ZNF536: variants seen among roughly 807,000 people sequenced by gnomAD.
ZNF536 encodes zinc finger protein 536.
Under a neutral mutation model 84.5 loss-of-function variants are expected in ZNF536, and 13 were observed. The observed-to-expected ratio is 0.15, with a 90% CI of 0.10 to 0.24. The LOEUF (loss-of-function observed/expected upper bound fraction) is 0.24, where lower values mean the gene tolerates loss of function less well. ZNF536 is among the 10% of genes least tolerant of loss of function. The pLI is 1.00. For synonymous variants in ZNF536, 811 were observed against 742.5 expected, an observed-to-expected ratio of 1.09 and a Z score of -1.50; for missense variants, 1,536 against 1,747.5, an observed-to-expected ratio of 0.88 and a Z score of 2.16.
rs1276444095 is a variant in ZNF536, at chr19:30,534,929, G to A, written c.2253G>A (p.Lys751=). ...LRDRSLGSAM[K]DCPYCGKTFR... The stretch of plus-strand genomic sequence containing the variant: ...ACAGAAGCCTGGGCTCGGCCATGAA[G>A]GACTGCCCGTACTGTGGGAAAACTT... The change falls in exon 3 of 5, where the codon AAG becomes AAA. Residue 751 remains lysine, a synonymous_variant. Coordinates refer to ENST00000355537, the MANE Select transcript of ZNF536 (RefSeq NM_014717.3). 6.2e-7 allele frequency: 1 copy of A among 1,613,972 alleles called. No individual in the cohort carries two copies.
intron 1 of ZNF536, among the ~76,000 whole-genome samples, chr19:30,229,670 T>C (rs931276972): frequency 6.6e-6 from 1 of 152,242 alleles, no homozygotes; most frequent in Non-Finnish European, 1.5e-5. Context: ...GGCTGAAGGC[T>C]GCTTTAGTTA....
intron 1 of ZNF536, among the ~76,000 whole-genome samples, chr19:30,707,514 C>T (rs559109375): frequency 1.3e-5 from 2 of 152,218 alleles, no homozygotes; most frequent in African/African-American, 2.4e-5. Flanking sequence ...ACTGGCCCCT[C>T]GTGCTAGCTG....
intron 1 of ZNF536, among the ~76,000 whole-genome samples, chr19:30,621,817 G>A (rs987875245): frequency 9.9e-5 from 15 of 152,224 alleles, no homozygotes; most frequent in Admixed American, 5.9e-4. Flanking sequence ...ACCTCACAGC[G>A]TCATCTGAAA....
At chr19:30,369,723 C>G (rs1489516209), upstream of ZNF536, among the ~76,000 whole-genome samples, 1 of 152,034 alleles carries the variant, frequency 6.6e-6, no homozygotes, top group East Asian at 1.9e-4. Context: ...TGGGTCTGTT[C>G]TGTAATTCTT....
chr19:30,411,825 A>G (rs1013503731), intron 1 of ZNF536, among the ~76,000 whole-genome samples: 3 of 152,104 alleles, frequency 2.0e-5, no homozygotes, highest in African/African-American at 7.2e-5. Context: ...AGTTTGATAG[A>G]TGATCTTATT....
chr19:30,409,681 C>A (rs1008513308), intron 1 of ZNF536, among the ~76,000 whole-genome samples: 1 of 152,206 alleles, frequency 6.6e-6, no homozygotes, highest in Non-Finnish European at 1.5e-5. Flanking sequence ...CAAATTACGT[C>A]CCCCGACCAC....
intron 2 of ZNF536, among the ~76,000 whole-genome samples, chr19:30,292,530 AGG>A (rs950984166): frequency 5.9e-5 from 9 of 152,040 alleles, no homozygotes; most frequent in African/African-American, 2.2e-4. Flanking sequence ...CACGTTTCCC[AGG>A]CTGATCTTGA....
intron 1 of ZNF536, among the ~76,000 whole-genome samples, chr19:30,592,565 A>G (rs908368970): frequency 1.3e-5 from 2 of 152,176 alleles, no homozygotes; most frequent in African/African-American, 4.8e-5. Flanking sequence ...GGCTCAGCTC[A>G]CTAATTGACT....
chr19:30,372,694 C>T (rs1292977015), intron 1 of ZNF536, 138 bp downstream of exon 1: 3 of 152,084 alleles, frequency 2.0e-5, no homozygotes, highest in African/African-American at 4.8e-5. Flanking sequence ...TTCTTGTTCA[C>T]GAAGTACACA....
At chr19:30,384,088 C>G (rs1335595783) in intron 1 of ZNF536, among the ~76,000 whole-genome samples, 2 of 136,830 alleles carry the variant, frequency 1.5e-5, no homozygotes, top group African/African-American at 5.4e-5. Flanking sequence ...CTTCTTCTGC[C>G]CACCTCTTTC....
intron 2 of ZNF536, among the ~76,000 whole-genome samples, chr19:30,523,954 C>T (rs907851212): frequency 1.3e-5 from 2 of 152,216 alleles, no homozygotes; most frequent in African/African-American, 2.4e-5. Flanking sequence ...GGCTTTGGGG[C>T]AAAATCCGAT....
At chr19:30,295,997 G>A (rs2045984894) in intron 2 of ZNF536, among the ~76,000 whole-genome samples, 1 of 152,168 alleles carries the variant, frequency 6.6e-6, no homozygotes, top group Admixed American at 6.5e-5. Context: ...ACCAGTGTCG[G>A]GCAGGGCAGG....
chr19:30,698,513 G>A (rs1047848855), intron 1 of ZNF536, among the ~76,000 whole-genome samples: 2 of 152,146 alleles, frequency 1.3e-5, no homozygotes, highest in African/African-American at 2.4e-5. Context: ...TACCTTAGGT[G>A]TCCTGTCTCC....
chr19:30,606,094 C>T (rs143474096), intron 1 of ZNF536, among the ~76,000 whole-genome samples: 2,519 of 150,790 alleles, frequency 0.017, 93 homozygotes, highest in Admixed American at 0.089. Flanking sequence ...TTCAAGGCTG[C>T]ACTGAGCCAT....
At chr19:30,556,968 G>A (rs1242038906) in intron 4 of ZNF536, 189 bp from the exon 5 acceptor site, 4 of 595,596 alleles carry the variant, frequency 6.7e-6, no homozygotes, top group Non-Finnish European at 1.2e-5. Context: ...ACGTCTAATT[G>A]CCAACCTGCC....
At chr19:30,405,400 T>C (rs766073301) in intron 1 of ZNF536, among the ~76,000 whole-genome samples, 1 of 152,082 alleles carries the variant, frequency 6.6e-6, no homozygotes, top group Admixed American at 6.5e-5. Context: ...AAAACCTATG[T>C]ATATATAATA....
At chr19:30,555,015 G>A (rs2045916501) in intron 4 of ZNF536, 1 of 152,258 alleles carries the variant, frequency 6.6e-6, no homozygotes, top group African/African-American at 2.4e-5. Flanking sequence ...TGTTGACCCA[G>A]ATGGGCCGAT....
chr19:30,515,391 T>G (rs900800902), intron 2 of ZNF536, among the ~76,000 whole-genome samples: 1 of 152,240 alleles, frequency 6.6e-6, no homozygotes, highest in African/African-American at 2.4e-5. Context: ...TAGTTATCGT[T>G]TATGATAAGA....
intron 1 of ZNF536, among the ~76,000 whole-genome samples, chr19:30,385,485 T>C (rs1422828399): frequency 6.6e-6 from 1 of 151,796 alleles, no homozygotes; most frequent in African/African-American, 2.4e-5. Context: ...AGTTCCTGAC[T>C]GTCCTCTGTG....
Sources: gnomAD v4.1 joint callset for allele counts (sites outside exome capture counted in the v4.1 genomes callset) on GRCh38, gnomAD v4.1.1 for gene constraint, MANE v1.5 for transcripts, NCBI Gene and HGNC (gene_info 2026-07-23, HGNC 2026-07-21) for gene names.